EFCAB12: variants seen among roughly 807,000 people sequenced by gnomAD.
The protein encoded by EFCAB12 is EF-hand calcium binding domain 12.
In EFCAB12, 43 loss-of-function variants were observed where a neutral mutation model predicts 53.6. That is an observed-to-expected ratio of 0.80 (90% confidence interval 0.63 to 1.03). EFCAB12 has a LOEUF of 1.03. EFCAB12 is among the 50% of genes least tolerant of loss of function. The pLI is 0.00. For missense variants in EFCAB12, 646 were observed against 730.6 expected (o/e 0.88, Z 1.34); for synonymous variants, 269 against 289.2 (o/e 0.93, Z 0.71).
At chr3:129,425,099 G>A (rs1278354758) in intron 1 of EFCAB12, among the ~76,000 whole-genome samples, 1 of 152,124 alleles carries the variant, frequency 6.6e-6, no homozygotes, top group Admixed American at 6.5e-5. Context: ...TGGGAAATAA[G>A]GTTGGCGTCA....
intron 7 of EFCAB12, chr3:129,404,001 G>A (rs960982465): frequency 1.7e-5 from 7 of 409,406 alleles, no homozygotes; most frequent in Non-Finnish European, 2.6e-5. Flanking sequence ...TTATGATTGT[G>A]CAGGACTGGG....
rs369822007 is a variant in EFCAB12 at position 129,418,372 on chromosome 3, G to A, written c.563C>T (p.Ser188Leu). The A allele has an allele frequency of 6.8e-5, 109 of 1,613,560 alleles. No homozygotes were observed. Among genetic ancestry groups the A allele is most frequent in the Non-Finnish European group, 8.1e-5 (95 of 1,179,724 alleles). ...QLQLPEPPALSVMYSYLHSRK... is the reference protein window; with the variant it reads ...QLQLPEPPALLVMYSYLHSRK... ...GCTATGCAGGTAGGAGTACATGACC[G>A]ACAGGGCAGGGGGCTCGGGCAGCTG... The change falls in exon 3 of 9, where the codon TCG becomes TTG. Residue 188 changes from serine (S) to leucine (L), a missense_variant. Physicochemically the swap from Ser to Leu is moderately radical, Grantham distance 145. Coordinates refer to ENST00000505956, the MANE Select transcript of EFCAB12 (RefSeq NM_207307.3).
chr3:129,401,604 A>G lies in EFCAB12; in HGVS notation c.1708T>C (p.Tyr570His). ...ACACCTGGCTAGCTCTAGTTGATGT[A>G]GTACACCTTGGCGGCATCATAATGG... Reference protein sequence around the residue: ...HAHYDAAKVYYIN With the variant: ...HAHYDAAKVYHIN Residue 570 changes from tyrosine (Y) to histidine (H), a missense_variant, in exon 9 of 9, where the codon TAC (tyrosine) becomes CAC (histidine). By Grantham distance (83) the Tyr-to-His change is moderately conservative. Coordinates refer to ENST00000505956, the MANE Select transcript of EFCAB12 (RefSeq NM_207307.3). 1 of 1,553,330 alleles carries G rather than the reference A, an allele frequency of 6.4e-7. No individual in the cohort carries two copies. The highest frequency in any genetic ancestry group is 1.2e-5 in the South Asian group (1 of 84,246).
chr3:129,413,315 C>A (rs540685020), intron 4 of EFCAB12: 2 of 152,374 alleles, frequency 1.3e-5, no homozygotes, highest in Non-Finnish European at 2.9e-5. Context: ...TCTCTTCTAA[C>A]TATAAGCAGC....
chr3:129,421,934 T>C (rs1035823778), intron 1 of EFCAB12, 131 bp from the exon 2 acceptor site: 7 of 928,524 alleles, frequency 7.5e-6, no homozygotes, highest in Non-Finnish European at 1.1e-5. Context: ...ATCATTGTCT[T>C]GCTGTAATCG....
intron 3 of EFCAB12, among the ~76,000 whole-genome samples, chr3:129,416,450 A>T (rs948844405): frequency 6.8e-6 from 1 of 146,806 alleles, no homozygotes; most frequent in African/African-American, 2.6e-5. Flanking sequence ...AACAAACAAA[A>T]AAATGAACTC....
chr3:129,419,891 C>A (rs1349423532), intron 2 of EFCAB12, among the ~76,000 whole-genome samples: 9 of 152,184 alleles, frequency 5.9e-5, no homozygotes, highest in African/African-American at 2.2e-4. Context: ...CTGAACAAAG[C>A]CCAGGCCGTA....
At position 129,404,279 on chromosome 3, in the gene EFCAB12, C is replaced by A. The variant is rs368168096; in HGVS notation, c.1374G>T (p.Gln458His). 6.2e-7 allele frequency: 1 copy of A among 1,613,798 alleles called. No individual in the cohort carries two copies. Among genetic ancestry groups the A allele is most frequent in the Non-Finnish European group, 8.5e-7 (1 of 1,179,774 alleles). Reference protein sequence around the residue: ...FSPNLALLRSQGPGKSKRTDK... With the variant: ...FSPNLALLRSHGPGKSKRTDK... Reference sequence around the variant, plus strand: ...CAGTCCTCTTAGACTTGCCAGGGCCCTGGGACCGGAGCAGAGCCAGATTCG... The same window carrying A: ...CAGTCCTCTTAGACTTGCCAGGGCCATGGGACCGGAGCAGAGCCAGATTCG... Residue 458 changes from glutamine to histidine, a missense_variant, in exon 7 of 9, where the codon CAG (glutamine) becomes CAT (histidine). Coordinates refer to ENST00000505956, the MANE Select transcript of EFCAB12 (RefSeq NM_207307.3).
chr3:129,417,801 G>A (rs1197126188), intron 3 of EFCAB12, among the ~76,000 whole-genome samples: 1 of 142,464 alleles, frequency 7.0e-6, no homozygotes, highest in African/African-American at 2.6e-5. Context: ...ATCACCAGGA[G>A]CTCGTTAGAA....
chr3:129,411,158 C>A lies in EFCAB12; in HGVS notation c.1035G>T (p.Lys345Asn). Residue 345 changes from lysine to asparagine, a missense_variant and splice_region_variant, in exon 5 of 9, where the codon AAG (lysine) becomes AAT (asparagine). By Grantham distance (94) the Lys-to-Asn change is moderately conservative. Coordinates refer to ENST00000505956, the MANE Select transcript of EFCAB12 (RefSeq NM_207307.3). Reference sequence around the variant, plus strand: ...TGCTCTCCTTGGGCTGGCGAGGTACCTTGTGCTGTCGCTGCCGCTCGCGGT... The same window carrying A: ...TGCTCTCCTTGGGCTGGCGAGGTACATTGTGCTGTCGCTGCCGCTCGCGGT... ...KRYRERQRQH[K>N]LTIPSIQYTE... 2.5e-6 allele frequency: 4 copies of A among 1,573,062 alleles called. No homozygotes were observed. In the South Asian group the frequency reaches 3.5e-5, roughly 14 times the overall value.
chr3:129,404,229 A>T, intron 7 of EFCAB12, 21 bp downstream of exon 7: 1 of 1,607,260 alleles, frequency 6.2e-7, no homozygotes, highest in Non-Finnish European at 8.5e-7. Flanking sequence ...AGGCAGGGAG[A>T]AAGGGGGTCC....
intron 5 of EFCAB12, 80 bp downstream of exon 5, chr3:129,411,078 C>T (rs898629397): frequency 1.4e-5 from 21 of 1,455,306 alleles, no homozygotes; most frequent in Admixed American, 8.4e-5. Flanking sequence ...CTGCAGCCAG[C>T]GGGTGGTGCT....
Position 129,411,177 on chromosome 3 carries a change from T to TCA in EFCAB12, c.1015_1016insTG (p.Glu339ValfsTer43). 1 of 1,601,682 alleles carries TCA rather than the reference T, an allele frequency of 6.2e-7. No individual in the cohort carries two copies. The highest frequency in any genetic ancestry group is 8.5e-7 in the Non-Finnish European group (1 of 1,174,142). ...AGGTACCTTGTGCTGTCGCTGCCGC[T>TCA]CGCGGTACCGCTTGCCCACTTCCTC... On this transcript the variant is annotated frameshift_variant, in exon 5 of 9. Transcript: ENST00000505956. LOFTEE classifies it high-confidence loss of function.
At chr3:129,421,144 G>T (rs1016845183) in intron 2 of EFCAB12, among the ~76,000 whole-genome samples, 7 of 152,270 alleles carry the variant, frequency 4.6e-5, no homozygotes, top group Non-Finnish European at 1.0e-4. Flanking sequence ...TCTGACTCTA[G>T]AAACGGTGTG....
In EFCAB12 at chr3:129,401,429, A is replaced by G; in HGVS notation, c.*164T>C. ...CTTGGACACATCTACCCTCTGAGAC[A>G]CTGGACACTTTGAGTCCAGAGGGAA... On this transcript the variant is annotated 3_prime_UTR_variant, in exon 9 of 9. Transcript: ENST00000505956. The G allele has an allele frequency of 1.0e-6, 1 of 954,502 alleles. No homozygotes were observed. Among genetic ancestry groups the G allele is most frequent in the Non-Finnish European group, 1.5e-6 (1 of 664,300 alleles). The allele number at this position is 954,502 out of a possible 1,614,324, so 59.1% of individuals were successfully genotyped here. A position where few individuals can be genotyped will look rare whatever the true frequency, so the allele number is the denominator to read the frequency against.
intron 3 of EFCAB12, among the ~76,000 whole-genome samples, chr3:129,417,461 T>G (rs530186123): frequency 6.6e-6 from 1 of 151,934 alleles, no homozygotes; most frequent in South Asian, 2.1e-4. Context: ...TCTGCCATTG[T>G]AGCATGAAAG....
intron 2 of EFCAB12, among the ~76,000 whole-genome samples, chr3:129,420,056 C>A (rs926916669): frequency 1.3e-5 from 2 of 152,184 alleles, no homozygotes; most frequent in African/African-American, 4.8e-5. Context: ...CATTTCTAAC[C>A]CAAGTCTAGT....
intron 8 of EFCAB12, 118 bp downstream of exon 8, chr3:129,402,405 C>G (rs1205273798): frequency 1.1e-5 from 13 of 1,148,348 alleles, no homozygotes; most frequent in African/African-American, 1.5e-5. Flanking sequence ...CACTGCCTCT[C>G]AGGCCAGGGC....
At chr3:129,417,330 A>G (rs560926464) in intron 3 of EFCAB12, among the ~76,000 whole-genome samples, 1 of 138,398 alleles carries the variant, frequency 7.2e-6, no homozygotes, top group Non-Finnish European at 1.5e-5. Flanking sequence ...CCTCAAAAAA[A>G]AAAAAAAAAC....
Sources: allele counts gnomAD v4.1 joint callset (sites outside exome capture counted in the v4.1 genomes callset), GRCh38; gene constraint gnomAD v4.1.1; transcripts MANE v1.5; gene names NCBI Gene and HGNC (gene_info 2026-07-23, HGNC 2026-07-21).